Variants in CDCA7L observed in about 807,000 individuals in gnomAD.
CDCA7L encodes the protein cell division cycle-associated 7-like protein.
CDCA7L carries 44 observed loss-of-function variants against 57.4 expected under a neutral mutation model. The observed-to-expected ratio is 0.77, with a 90% CI of 0.60 to 0.98. The LOEUF (loss-of-function observed/expected upper bound fraction) is 0.98, where lower values mean the gene tolerates loss of function less well. CDCA7L is among the 50% of genes least tolerant of loss of function. The pLI is 0.00. For synonymous variants in CDCA7L, 236 were observed against 202.8 expected (o/e 1.16, Z -1.39); for missense variants, 644 against 580.6 (o/e 1.11, Z -1.12).
chr7:21,930,288 C>A (rs375723631), intron 1 of CDCA7L, among the ~76,000 whole-genome samples: 1 of 152,154 alleles, frequency 6.6e-6, no homozygotes. Context: ...AGACAACATA[C>A]CAGAATCTCT....
At position 21,945,757 on chromosome 7, in the gene CDCA7L, G is replaced by C. The variant is rs371229570; in HGVS notation, c.24+24C>G. On this transcript the variant is annotated intron_variant, in intron 1 of 9. Transcript: ENST00000406877. ...AGTCAAACTGTGGGTGCGTCCGGAC[G>C]GCGGCGGGCGGCCGGACCCTCACCT... The C allele has an allele frequency of 1.1e-4, 180 of 1,599,120 alleles. No individual in the cohort carries two copies. In the East Asian group the frequency reaches 2.3e-3, roughly 20 times the overall value.
intron 1 of CDCA7L, among the ~76,000 whole-genome samples, chr7:21,935,651 A>G (rs1786138630): frequency 6.6e-6 from 1 of 152,226 alleles, no homozygotes; most frequent in Non-Finnish European, 1.5e-5. Context: ...TAGAAAATAT[A>G]CAGAGAAAAC....
At position 21,902,196 on chromosome 7, in the gene CDCA7L, A is replaced by G; in HGVS notation, c.*126T>C. On this transcript the variant is annotated 3_prime_UTR_variant, in exon 10 of 10. Coordinates refer to ENST00000406877, the MANE Select transcript of CDCA7L (RefSeq NM_018719.5). ...ATATAAACAATCTTTAACAAAAAAT[A>G]GTAATTTCTACAAAGAATTTCTGTA... 3 of 919,262 alleles carry G rather than the reference A, an allele frequency of 3.3e-6. No individual in the cohort carries two copies. Among genetic ancestry groups the G allele is most frequent in the Non-Finnish European group, 5.3e-6 (3 of 564,980 alleles). 56.9% of individuals were successfully genotyped at this position (919,262 alleles called of 1,614,324 possible).
At chr7:21,929,701 A>G (rs118148094) in intron 1 of CDCA7L, among the ~76,000 whole-genome samples, 5,894 of 151,124 alleles carry the variant, frequency 0.039, 194 homozygotes, top group South Asian at 0.12. Context: ...ACTTTAAACC[A>G]ATGAAGATCA....
At chr7:21,903,607 C>T (rs529874766) in intron 8 of CDCA7L, among the ~76,000 whole-genome samples, 4 of 117,274 alleles carry the variant, frequency 3.4e-5, no homozygotes, top group South Asian at 2.9e-4. Flanking sequence ...GGCTCAAGGT[C>T]GTGCCTACTC....
intron 1 of CDCA7L, among the ~76,000 whole-genome samples, chr7:21,933,000 T>C (rs181037937): frequency 3.3e-5 from 5 of 150,074 alleles, no homozygotes; most frequent in East Asian, 3.9e-4. Context: ...GCGAAAGATA[T>C]GATACTTCTC....
intron 2 of CDCA7L, among the ~76,000 whole-genome samples, chr7:21,913,210 T>A (rs9942658): frequency 0.078 from 11,907 of 152,242 alleles, 1,538 homozygotes; most frequent in African/African-American, 0.27. Flanking sequence ...CAGAAAGAAA[T>A]GCCTACATCT....
At position 21,901,379 on chromosome 7, in the gene CDCA7L, C is replaced by CGCTATCCTTAGAGTGAAA. The variant is rs1385804658; in HGVS notation, c.*925_*942dup. The CGCTATCCTTAGAGTGAAA allele has an allele frequency of 7.7e-7, 1 of 1,303,196 alleles. No homozygotes were observed. The highest frequency in any genetic ancestry group is 1.0e-6 in the Non-Finnish European group (1 of 1,003,048). The allele number at this position is 1,303,196 out of a possible 1,614,324, so 80.7% of individuals were successfully genotyped here. ...ACTCACACGTGCATTCTTTTTTCAA[C>CGCTATCCTTAGAGTGAAA]GCTATCCTTAGAGTGAAAGTCAGAA... On this transcript the variant is annotated 3_prime_UTR_variant, in exon 10 of 10. Transcript: ENST00000406877.
Position 21,912,922 on chromosome 7 carries a change from G to A in CDCA7L, c.166-1168C>T, listed in dbSNP as rs142438090. ...CTCTTAATAGTATACTTGAAAGAAA[G>A]AGGAAATAACAAACTGCAGGCCAAA... On this transcript the variant is annotated intron_variant, in intron 2 of 9. Transcript: ENST00000406877. Among the ~76,000 whole-genome samples the A allele has an allele frequency of 3.4e-4, 51 of 152,014 alleles. No individual in the cohort carries two copies. In the East Asian group the frequency reaches 8.9e-3, roughly 26 times the overall value.
chr7:21,915,017 C>T (rs1023414974), intron 2 of CDCA7L, among the ~76,000 whole-genome samples: 1 of 152,190 alleles, frequency 6.6e-6, no homozygotes, highest in Non-Finnish European at 1.5e-5. Flanking sequence ...TCCCCACCGC[C>T]TGACTGTGCT....
intron 2 of CDCA7L, among the ~76,000 whole-genome samples, chr7:21,914,247 G>A (rs1240010289): frequency 1.3e-5 from 2 of 152,196 alleles, no homozygotes; most frequent in Non-Finnish European, 2.9e-5. Context: ...TATACAGTCA[G>A]GTGGGGTGTT....
chr7:21,901,250 C>A lies in CDCA7L; in HGVS notation c.*1072G>T. The A allele has an allele frequency of 6.2e-7, 1 of 1,601,478 alleles. No homozygotes were observed. The highest frequency in any genetic ancestry group is 8.5e-7 in the Non-Finnish European group (1 of 1,173,862). ...GCTGGAGTGGCTCTGCTTCTAGAAG[C>A]GTAAGGTAACACTGGCATTCCTCTA... On this transcript the variant is annotated 3_prime_UTR_variant, in exon 10 of 10. Coordinates refer to ENST00000406877, the MANE Select transcript of CDCA7L (RefSeq NM_018719.5).
At chr7:21,917,005 T>A in intron 1 of CDCA7L, 111 bp from the exon 2 acceptor site, 1 of 1,249,350 alleles carries the variant, frequency 8.0e-7, no homozygotes, top group Non-Finnish European at 1.1e-6. Flanking sequence ...CTGCCACGGT[T>A]GCCCAGAAGT....
intron 9 of CDCA7L, chr7:21,902,670 CTG>C (rs1784963197): frequency 4.1e-6 from 2 of 491,300 alleles, no homozygotes; most frequent in Non-Finnish European, 7.2e-6. Context: ...TCTTCATAAT[CTG>C]TGTCTTTCCC....
chr7:21,921,675 C>G (rs143775323), intron 1 of CDCA7L, among the ~76,000 whole-genome samples: 124 of 146,794 alleles, frequency 8.4e-4, no homozygotes, highest in African/African-American at 2.6e-3. Context: ...AAAACTACAA[C>G]AAGTAACTGA....
chr7:21,906,175 G>C lies in CDCA7L; in HGVS notation c.921+114C>G. 3.1e-6 allele frequency: 3 copies of C among 968,678 alleles called. 1 individual carries two copies. Among genetic ancestry groups the C allele is most frequent in the Non-Finnish European group, 4.6e-6 (3 of 654,446 alleles). 60.0% of individuals were successfully genotyped at this position (968,678 alleles called of 1,614,324 possible). On this transcript the variant is annotated intron_variant, in intron 6 of 9. Coordinates refer to ENST00000406877, the MANE Select transcript of CDCA7L (RefSeq NM_018719.5). ...AAGCAGAGAGAAATGCAAGTTCTCA[G>C]CTGCCGCAGACCCACGGGGTCAGAA...
chr7:21,905,448 G>C, intron 7 of CDCA7L, 58 bp downstream of exon 7: 3 of 1,574,254 alleles, frequency 1.9e-6, no homozygotes, highest in Non-Finnish European at 2.6e-6. Context: ...AAACAAGTGA[G>C]ATTTCAATAC....
At chr7:21,906,539 T>C (rs773019029) in intron 5 of CDCA7L, 29 bp downstream of exon 5, 3 of 1,611,796 alleles carry the variant, frequency 1.9e-6, no homozygotes, top group South Asian at 1.1e-5. Flanking sequence ...TATATCAGTA[T>C]TGGTATAATT....
intron 1 of CDCA7L, among the ~76,000 whole-genome samples, chr7:21,934,342 T>C (rs1241292328): frequency 6.6e-6 from 1 of 152,194 alleles, no homozygotes; most frequent in African/African-American, 2.4e-5. Context: ...GAAATTGGTA[T>C]CATTCAAACC....
Sources: allele counts gnomAD v4.1 joint callset (sites outside exome capture counted in the v4.1 genomes callset), GRCh38; gene constraint gnomAD v4.1.1; transcripts MANE v1.5; gene names NCBI Gene and HGNC (gene_info 2026-07-23, HGNC 2026-07-21).